The following RBFOX3 variants were observed in gnomAD, a reference collection of about 807,000 sequenced individuals.
RBFOX3 encodes RNA binding protein fox-1 homolog 3.
In RBFOX3, 17 loss-of-function variants were observed where a neutral mutation model predicts 48.7. That is an observed-to-expected ratio of 0.35 (90% confidence interval 0.24 to 0.52). The LOEUF is 0.52. Among genes scored for constraint, RBFOX3 ranks in the 20% least tolerant of loss-of-function variants. The pLI is 0.94. For synonymous variants in RBFOX3, 212 were observed against 209.5 expected (o/e 1.01, Z -0.10); for missense variants, 382 against 497.5 (o/e 0.77, Z 2.21).
rs777716197 is a variant in RBFOX3, at chr17:79,103,295, G to C, written c.415-41C>G. The C allele has an allele frequency of 1.5e-5, 20 of 1,369,248 alleles. No individual in the cohort carries two copies. The highest frequency in any genetic ancestry group is 1.2e-4 in the African/African-American group (8 of 69,478). 84.8% of individuals were successfully genotyped at this position (1,369,248 alleles called of 1,614,324 possible). The stretch of plus-strand genomic sequence containing the variant: ...AGGGAAGGACAGGCACGGAGAGGAG[G>C]ACACAGGGCGAGAAAGAGGAGGAAG... On this transcript the variant is annotated intron_variant, in intron 7 of 14. Coordinates refer to ENST00000693108, the MANE Select transcript of RBFOX3 (RefSeq NM_001350451.2). This position sits in a 1 kb window ranked among gnomAD's most constrained non-coding sequence, Gnocchi z 6.1.
intron 2 of RBFOX3, among the ~76,000 whole-genome samples, chr17:79,325,318 A>G (rs971786635): frequency 3.9e-5 from 6 of 152,180 alleles, no homozygotes; most frequent in Non-Finnish European, 8.8e-5. Flanking sequence ...AGGAGTTTAT[A>G]GCTCCCTGGG....
intron 2 of RBFOX3, among the ~76,000 whole-genome samples, chr17:79,448,986 G>A (rs1014071014): frequency 1.2e-4 from 19 of 152,174 alleles, no homozygotes; most frequent in Admixed American, 9.2e-4. Flanking sequence ...TGCCAGCCAC[G>A]CTCCCCTGTG....
At chr17:79,636,251 T>A in the RBFOX3 span, among the ~76,000 whole-genome samples, 1 of 152,146 alleles carries the variant, frequency 6.6e-6, no homozygotes, top group Non-Finnish European at 1.5e-5. Context: ...ATTCCATTTA[T>A]GTAGAGAAAA....
At chr17:79,148,982 C>T (rs1451220280) in intron 4 of RBFOX3, among the ~76,000 whole-genome samples, 6 of 152,200 alleles carry the variant, frequency 3.9e-5, no homozygotes, top group South Asian at 2.1e-4. Context: ...ATTCAAGAAA[C>T]GCTAACCATA....
chr17:79,420,176 A>G (rs62061665), intron 2 of RBFOX3, among the ~76,000 whole-genome samples: 1 of 37,562 alleles, frequency 2.7e-5, no homozygotes, highest in Non-Finnish European at 6.0e-5. Context: ...CACACACACA[A>G]AAGATGGTTA....
chr17:79,250,194 G>A (rs989930756), intron 3 of RBFOX3, among the ~76,000 whole-genome samples: 5 of 152,176 alleles, frequency 3.3e-5, no homozygotes, highest in African/African-American at 1.2e-4. Flanking sequence ...TACGGCCTCA[G>A]AAGTGAAATG....
chr17:79,302,779 T>C lies in RBFOX3; in HGVS notation c.-74+4945A>G, dbSNP rs890433616. On this transcript the variant is annotated intron_variant, in intron 3 of 14. Coordinates refer to ENST00000693108, the MANE Select transcript of RBFOX3 (RefSeq NM_001350451.2). ...GTTTTGCAAAGTTTTTGGTTGGTAGTAGTTGGGATGCCTTTTAAAACAAAA... is the reference window on the plus strand; with the variant it reads ...GTTTTGCAAAGTTTTTGGTTGGTAGCAGTTGGGATGCCTTTTAAAACAAAA... Among the ~76,000 whole-genome samples the C allele has an allele frequency of 2.0e-5, 3 of 152,328 alleles. 1 individual carries two copies. The highest frequency in any genetic ancestry group is 1.9e-4 in the East Asian group (1 of 5,190).
At chr17:79,156,035 G>A (rs78140452) in intron 4 of RBFOX3, among the ~76,000 whole-genome samples, 1,816 of 152,308 alleles carry the variant, frequency 0.012, 34 homozygotes, top group African/African-American at 0.04. Flanking sequence ...CAGCGGCCTC[G>A]TCCCTCGGCC....
intron 4 of RBFOX3, chr17:79,234,693 T>G (rs1349127802): frequency 1.3e-5 from 2 of 151,390 alleles, no homozygotes; most frequent in East Asian, 3.9e-4. Context: ...AACTTTATGT[T>G]TGTTGGGTTT....
chr17:79,574,144 C>T (rs972292015), intron 1 of RBFOX3, among the ~76,000 whole-genome samples: 27 of 152,170 alleles, frequency 1.8e-4, no homozygotes. Flanking sequence ...ATCTTCATCC[C>T]TCTCAACCCT....
chr17:79,589,643 G>T (rs2093359490), intron 1 of RBFOX3, among the ~76,000 whole-genome samples: 1 of 152,194 alleles, frequency 6.6e-6, no homozygotes. Flanking sequence ...CGCCCTGGGG[G>T]CTGTACCAGA....
intron 2 of RBFOX3, among the ~76,000 whole-genome samples, chr17:79,446,128 C>T (rs1568265698): frequency 6.6e-6 from 1 of 152,166 alleles, no homozygotes; most frequent in Non-Finnish European, 1.5e-5. Flanking sequence ...GGTGACAGCT[C>T]CTCTGAGGCT....
chr17:79,315,748 G>A (rs1005825073), intron 2 of RBFOX3, among the ~76,000 whole-genome samples: 6 of 152,364 alleles, frequency 3.9e-5, no homozygotes, highest in African/African-American at 1.4e-4. Context: ...CGCCCGTGCC[G>A]CCACCCTGGG....
At chr17:79,221,495 C>T (rs2059725306) in intron 4 of RBFOX3, among the ~76,000 whole-genome samples, 1 of 152,320 alleles carries the variant, frequency 6.6e-6, no homozygotes, top group South Asian at 2.1e-4. Flanking sequence ...CTCTTGTCCC[C>T]CTTGGGCCTG....
chr17:79,147,555 AG>A (rs934584321), intron 4 of RBFOX3, among the ~76,000 whole-genome samples: 15 of 150,480 alleles, frequency 1.0e-4, no homozygotes, highest in South Asian at 6.3e-4. Context: ...CTCATTGGGG[AG>A]GGGGGGGGCT....
the RBFOX3 span, among the ~76,000 whole-genome samples, chr17:79,646,145 G>A: frequency 2.0e-5 from 3 of 152,006 alleles, no homozygotes; most frequent in Admixed American, 6.5e-5. Flanking sequence ...ACCGTGATCT[G>A]TCATGCATGT....
At chr17:79,611,183 T>TCTCGC (rs2093965331), upstream of RBFOX3, among the ~76,000 whole-genome samples, 14 of 41,476 alleles carry the variant, frequency 3.4e-4, no homozygotes, top group Non-Finnish European at 4.3e-4. Flanking sequence ...TCCGCCCTCC[T>TCTCGC]TCTCTCTCTC....
intron 1 of RBFOX3, among the ~76,000 whole-genome samples, chr17:79,503,803 C>T (rs2082694353): frequency 6.6e-6 from 1 of 152,220 alleles, no homozygotes; most frequent in South Asian, 2.1e-4. Context: ...TCTAAAGCCA[C>T]AGCTCCTCCA....
rs144727767 is a variant in RBFOX3 at position 79,391,910 on chromosome 17, G to A, written c.-174-84086C>T. Among the ~76,000 whole-genome samples the A allele has an allele frequency of 9.2e-4, 140 of 152,052 alleles. 1 individual carries two copies. The highest frequency in any genetic ancestry group is 6.8e-3 in the Middle Eastern group (2 of 292). On this transcript the variant is annotated intron_variant, in intron 2 of 14. Coordinates refer to ENST00000693108, the MANE Select transcript of RBFOX3 (RefSeq NM_001350451.2). This position sits in a 1 kb window ranked among gnomAD's most constrained non-coding sequence, Gnocchi z 5.0. ...ACAAGCCCCAGGTCCCCTCCTTCCC[G>A]GTTCTGAAGCTCACAGGTCGCGGGT...
Sources: gnomAD v4.1 joint callset for allele counts (sites outside exome capture counted in the v4.1 genomes callset) on GRCh38, gnomAD v4.1.1 for gene constraint, Gnocchi (gnomAD v3.1) non-coding constraint, MANE v1.5 for transcripts, NCBI Gene and HGNC (gene_info 2026-07-23, HGNC 2026-07-21) for gene names.